Variants in CNTRL observed in about 807,000 individuals in gnomAD.
CNTRL encodes centriolin.
In CNTRL, 233 loss-of-function variants were observed where a neutral mutation model predicts 303.7. The observed-to-expected ratio is 0.77, with a 90% CI of 0.69 to 0.86. The LOEUF is 0.86. CNTRL is among the 40% of genes least tolerant of loss of function. The pLI is 0.00. For missense variants in CNTRL, 2,524 were observed against 2,650.6 expected, an observed-to-expected ratio of 0.95 and a Z score of 1.05; for synonymous variants, 900 against 922.2, an observed-to-expected ratio of 0.98 and a Z score of 0.44.
chr9:121,172,546 G>T (rs895188544), intron 40 of CNTRL, among the ~76,000 whole-genome samples: 21 of 152,020 alleles, frequency 1.4e-4, no homozygotes, highest in African/African-American at 4.6e-4. Context: ...GAGGCTGAGG[G>T]GGGAGGATTG....
At position 121,141,859 on chromosome 9, in the gene CNTRL, G is replaced by C. The variant is rs535375459; in HGVS notation, c.2692-232G>C. Among the ~76,000 whole-genome samples, 340 of 152,254 alleles carry C rather than the reference G, an allele frequency of 2.2e-3. 1 individual carries two copies. The highest frequency in any genetic ancestry group is 7.8e-3 in the African/African-American group (324 of 41,540). Reference sequence around the variant, plus strand: ...AGGTAAATAATGCCACATTCCTAGAGTATGGTGTGTTGCCAGAATCTGGTA... The same window carrying C: ...AGGTAAATAATGCCACATTCCTAGACTATGGTGTGTTGCCAGAATCTGGTA... On this transcript the variant is annotated intron_variant, in intron 18 of 43. Coordinates refer to ENST00000373855, the MANE Select transcript of CNTRL (RefSeq NM_007018.6).
intron 18 of CNTRL, 38 bp downstream of exon 18, chr9:121,141,626 T>TGGCAAATATTAATGTTTTTC (rs780183934): frequency 1.3e-6 from 2 of 1,560,974 alleles, no homozygotes; most frequent in Admixed American, 1.7e-5. Context: ...GGGAAGTGTT[T>TGGCAAATATTAATGTTTTTC]GGCAAATATT....
chr9:121,118,647 G>T, intron 12 of CNTRL, 107 bp downstream of exon 12: 1 of 940,720 alleles, frequency 1.1e-6, no homozygotes, highest in Non-Finnish European at 1.5e-6. Flanking sequence ...TTAGTTTGAT[G>T]TACAAATTTA....
chr9:121,115,358 T>G (rs2049931375), intron 11 of CNTRL, among the ~76,000 whole-genome samples, 158 bp downstream of exon 11: 1 of 152,244 alleles, frequency 6.6e-6, no homozygotes, highest in Non-Finnish European at 1.5e-5. Flanking sequence ...ATTTGCCAAT[T>G]GTAATTTTCT....
intron 4 of CNTRL, among the ~76,000 whole-genome samples, chr9:121,092,427 T>TATAG (rs149719205): frequency 0.23 from 7,647 of 33,414 alleles, 2,881 homozygotes; most frequent in South Asian, 0.84. Flanking sequence ...CAGAGTGAGA[T>TATAG]ATAGATAGAT....
intron 26 of CNTRL, among the ~76,000 whole-genome samples, chr9:121,153,677 G>A (rs72760242): frequency 0.082 from 12,445 of 152,230 alleles, 530 homozygotes; most frequent in Non-Finnish European, 0.098. Flanking sequence ...AGCATCTGTT[G>A]ATTGGGTTAA....
intron 37 of CNTRL, 52 bp downstream of exon 37, chr9:121,167,729 A>T: frequency 1.3e-6 from 2 of 1,517,488 alleles, no homozygotes; most frequent in Non-Finnish European, 1.8e-6. Flanking sequence ...GGCTCATGTG[A>T]GCCTATTTTT....
chr9:121,102,264 A>G lies in CNTRL; in HGVS notation c.808+3692A>G, dbSNP rs7860562. 5.0e-3 allele frequency among the ~76,000 whole-genome samples: 759 copies of G among 152,318 alleles called. 7 individuals are homozygous for G. Among genetic ancestry groups the G allele is most frequent in the African/African-American group, 0.018 (737 of 41,578 alleles). On this transcript the variant is annotated intron_variant, in intron 7 of 43. Transcript: ENST00000373855. ...GTTCAACATACACAAATTGATAAAC[A>G]TAATCCATCGTATAAACAGAACCAA...
chr9:121,131,577 C>G lies in CNTRL; in HGVS notation c.2026-4229C>G, dbSNP rs374258024. 1.9e-4 allele frequency among the ~76,000 whole-genome samples: 29 copies of G among 152,306 alleles called. No homozygotes were observed. In the East Asian group the frequency reaches 5.6e-3, roughly 29 times the overall value. On this transcript the variant is annotated intron_variant, in intron 14 of 43. Transcript: ENST00000373855. ...TATAGCACACTGATGGGTCTTGACT[C>G]TTTATCCAATTTGCCAGTCTGTGTC...
At chr9:121,159,153 G>A in intron 31 of CNTRL, 134 bp downstream of exon 31, 1 of 886,250 alleles carries the variant, frequency 1.1e-6, no homozygotes, top group Admixed American at 2.9e-5. Context: ...AATCAGTTTG[G>A]TGTTGTTACA....
chr9:121,150,500 A>C lies in CNTRL; in HGVS notation c.3963+17A>C. ...CATAACTTAGTAAGTGGAAAGACAT[A>C]CAACTCTCTTTCCACACTGCTTCCA... On this transcript the variant is annotated intron_variant, in intron 25 of 43. Coordinates refer to ENST00000373855, the MANE Select transcript of CNTRL (RefSeq NM_007018.6). 4 of 1,607,406 alleles carry C rather than the reference A, an allele frequency of 2.5e-6. No individual in the cohort carries two copies. The highest frequency in any genetic ancestry group is 3.4e-6 in the Non-Finnish European group (4 of 1,174,080).
At chr9:121,172,873 T>C (rs952279592) in intron 40 of CNTRL, among the ~76,000 whole-genome samples, 2 of 152,332 alleles carry the variant, frequency 1.3e-5, no homozygotes, top group South Asian at 2.1e-4. Context: ...TATCTCCATG[T>C]ATAAATGAGG....
rs1263891118 is a variant in CNTRL at position 121,074,965 on chromosome 9, A to G, written c.-307A>G. 6.6e-6 allele frequency: 3 copies of G among 456,214 alleles called. No individual in the cohort carries two copies. The highest frequency in any genetic ancestry group is 6.9e-5 in the East Asian group (1 of 14,394). 28.3% of individuals were successfully genotyped at this position (456,214 alleles called of 1,614,324 possible). ...GCGCGGCCCCTCGGCAACCGGCACA[A>G]CACAACAAAATGGCTGCCGCGCCGC... On this transcript the variant is annotated 5_prime_UTR_variant, in exon 1 of 44. Coordinates refer to ENST00000373855, the MANE Select transcript of CNTRL (RefSeq NM_007018.6).
chr9:121,088,364 C>T lies in CNTRL; in HGVS notation c.38C>T (p.Ala13Val), dbSNP rs147018954. The part of the protein sequence containing the change: ...KGSQQKIFSK[A>V]KIPSSSHSPI... ...TCTCAACAAAAAATATTCTCCAAAG[C>T]AAAGATACCATCATCATCTCACTCT... The change falls in exon 3 of 44, where the codon GCA becomes GTA. Residue 13 changes from alanine (A) to valine (V), a missense_variant. Physicochemically the swap from Ala to Val is moderately conservative, Grantham distance 64. Transcript: ENST00000373855. 1 of 1,613,484 alleles carries T rather than the reference C, an allele frequency of 6.2e-7. No homozygotes were observed. Among genetic ancestry groups the T allele is most frequent in the East Asian group, 2.2e-5 (1 of 44,850 alleles).
chr9:121,084,185 G>A (rs1238978217), intron 2 of CNTRL, among the ~76,000 whole-genome samples: 1 of 152,046 alleles, frequency 6.6e-6, no homozygotes, highest in Non-Finnish European at 1.5e-5. Flanking sequence ...AGCCTTGCTC[G>A]AGATCTATAC....
rs1564269696 is a variant in CNTRL at position 121,145,267 on chromosome 9, AG to A, written c.3194del (p.Gly1065ValfsTer2). The A allele has an allele frequency of 1.9e-6, 3 of 1,607,414 alleles. No homozygotes were observed. Among genetic ancestry groups the A allele is most frequent in the Non-Finnish European group, 2.5e-6 (3 of 1,178,458 alleles). Reference protein sequence around the residue: ...EQFRLEMEKTGVGTGANSQVL... With the variant: ...EQFRLEMEKTXVGTGANSQVL... ...AGTTTCGACTTGAGATGGAGAAAAC[AG>A]GTGTAGGTACTGGAGCAAACTCACA... On this transcript the variant is annotated frameshift_variant, in exon 22 of 44. Coordinates refer to ENST00000373855, the MANE Select transcript of CNTRL (RefSeq NM_007018.6). LOFTEE classifies it high-confidence loss of function.
At chr9:121,151,384 CTTCTTTTTTTTT>C (rs1345519667) in intron 25 of CNTRL, among the ~76,000 whole-genome samples, 6 of 91,520 alleles carry the variant, frequency 6.6e-5, no homozygotes, top group Admixed American at 1.7e-4. Flanking sequence ...CTTTTTTCTT[CTTCTTTTTTTTT>C]TTTTTTTTTT....
At chr9:121,088,975 G>A (rs1362932892) in intron 3 of CNTRL, among the ~76,000 whole-genome samples, 2 of 152,246 alleles carry the variant, frequency 1.3e-5, no homozygotes, top group Non-Finnish European at 2.9e-5. Flanking sequence ...GGACATGTAT[G>A]TATGTTCCAC....
intron 20 of CNTRL, 67 bp from the exon 21 acceptor site, chr9:121,144,776 A>C: frequency 2.4e-6 from 3 of 1,226,220 alleles, no homozygotes; most frequent in Non-Finnish European, 3.6e-6. Flanking sequence ...AATCAATCCA[A>C]GAGGAAGAAA....
Sources: allele counts gnomAD v4.1 joint callset (sites outside exome capture counted in the v4.1 genomes callset), GRCh38; gene constraint gnomAD v4.1.1; transcripts MANE v1.5; gene names NCBI Gene and HGNC (gene_info 2026-07-23, HGNC 2026-07-21).